RBAK: variants seen among roughly 807,000 people sequenced by gnomAD.
The protein encoded by RBAK is RB-associated KRAB zinc finger protein.
Under a neutral mutation model 65.8 loss-of-function variants are expected in RBAK, and 39 were observed. The observed-to-expected ratio is 0.59, with a 90% CI of 0.46 to 0.77. The LOEUF (loss-of-function observed/expected upper bound fraction) is 0.77. Among genes scored for constraint, RBAK ranks in the 30% least tolerant of loss-of-function variants. RBAK has a pLI of 0.00. For missense variants in RBAK, 884 were observed against 855.1 expected (o/e 1.03, Z -0.42); for synonymous variants, 343 against 289.7 (o/e 1.18, Z -1.87).
At position 5,063,968 on chromosome 7, in the gene RBAK, C is replaced by T; in HGVS notation, c.512C>T (p.Thr171Ile). The change falls in exon 5 of 5, where the codon ACA becomes ATA. Residue 171 changes from threonine (T) to isoleucine (I), a missense_variant. By Grantham distance (89) the Thr-to-Ile change is moderately conservative. Transcript: ENST00000396912. Reference sequence around the variant, plus strand: ...GATGAGTGTAATGAATGTGGGAAAACATATCATGGAGAGAAAATGTGTGAA... The same window carrying T: ...GATGAGTGTAATGAATGTGGGAAAATATATCATGGAGAGAAAATGTGTGAA... ...KPDECNECGK[T>I]YHGEKMCEFN... 6.2e-7 allele frequency: 1 copy of T among 1,613,944 alleles called. No homozygotes were observed. The highest frequency in any genetic ancestry group is 8.5e-7 in the Non-Finnish European group (1 of 1,179,964).
intron 4 of RBAK, among the ~76,000 whole-genome samples, chr7:5,061,447 C>CTTTTTTTTTT (rs199823841): frequency 8.8e-6 from 1 of 113,656 alleles, no homozygotes; most frequent in Non-Finnish European, 1.8e-5. Context: ...TTTTGTTTTT[C>CTTTTTTTTTT]TTTTTCTTTT....
intron 2 of RBAK, among the ~76,000 whole-genome samples, chr7:5,052,835 C>G (rs895619591): frequency 1.3e-5 from 2 of 152,168 alleles, no homozygotes; most frequent in African/African-American, 4.8e-5. Context: ...TCTTGGCTCA[C>G]TGCAACCTCT....
At position 5,048,204 on chromosome 7, in the gene RBAK, G is replaced by C. The variant is rs1284418684; in HGVS notation, c.15+113G>C. ...TTCTTTTTTTTTGAGATGGAGTCTTGCTCTGTTGCCCAGGCTGGAGTGCAG... is the reference window on the plus strand; with the variant it reads ...TTCTTTTTTTTTGAGATGGAGTCTTCCTCTGTTGCCCAGGCTGGAGTGCAG... On this transcript the variant is annotated intron_variant, in intron 2 of 4. Coordinates refer to ENST00000396912, the MANE Select transcript of RBAK (RefSeq NM_021163.4). The surrounding 1 kb of genome is among the most constrained non-coding windows in gnomAD (Gnocchi z 4.4). 4 of 1,463,480 alleles carry C rather than the reference G, an allele frequency of 2.7e-6. No individual in the cohort carries two copies. Among genetic ancestry groups the C allele is most frequent in the Non-Finnish European group, 2.8e-6 (3 of 1,085,738 alleles). The allele number at this position is 1,463,480 out of a possible 1,614,324, so 90.7% of individuals were successfully genotyped here.
rs565727836 is a variant in RBAK, at chr7:5,064,917, T to C, written c.1461T>C (p.Cys487=). The change falls in exon 5 of 5, where the codon TGT becomes TGC. Residue 487 remains cysteine, a synonymous_variant. Coordinates refer to ENST00000396912, the MANE Select transcript of RBAK (RefSeq NM_021163.4). The surrounding 1 kb of genome is among the most constrained non-coding windows in gnomAD (Gnocchi z 6.3). The stretch of plus-strand genomic sequence containing the variant: ...ACACAGAAGAGAAATCCCATGAATG[T>C]AGTGAATGTGGAAAGTTCTCTCAGT... The part of the protein sequence containing the change: ...KVHTEEKSHE[C]SECGKFSQLY... The C allele has an allele frequency of 9.3e-6, 15 of 1,614,040 alleles. No homozygotes were observed. Among genetic ancestry groups the C allele is most frequent in the African/African-American group, 1.3e-5 (1 of 75,026 alleles).
chr7:5,058,146 C>G (rs1000889929), intron 4 of RBAK, among the ~76,000 whole-genome samples: 3 of 152,176 alleles, frequency 2.0e-5, no homozygotes, highest in African/African-American at 7.2e-5. Context: ...ATGATCTCAG[C>G]TCACTGCAAC....
Position 5,065,358 on chromosome 7 carries a change from G to T in RBAK, c.1902G>T (p.Arg634=). The T allele has an allele frequency of 1.2e-6, 2 of 1,613,462 alleles. No homozygotes were observed. Among genetic ancestry groups the T allele is most frequent in the Non-Finnish European group, 1.7e-6 (2 of 1,179,722 alleles). The part of the protein sequence containing the change: ...ECSKCGKVFS[R]MSNLTVHYRS... ...GTAAATGTGGAAAAGTCTTCTCTCG[G>T]ATGTCAAACCTCACTGTCCACTACA... Residue 634 remains arginine, a synonymous_variant, in exon 5 of 5, where the codon CGG becomes CGT. Coordinates refer to ENST00000396912, the MANE Select transcript of RBAK (RefSeq NM_021163.4). This position sits in a 1 kb window ranked among gnomAD's most constrained non-coding sequence, Gnocchi z 5.3.
rs1382782615 is a variant in RBAK at position 5,068,586 on chromosome 7, A to T, written c.*2985A>T. 6.6e-6 allele frequency: 1 copy of T among 152,222 alleles called. No individual in the cohort carries two copies. Among genetic ancestry groups the T allele is most frequent in the Admixed American group, 6.5e-5 (1 of 15,284 alleles). The allele number at this position is 152,222 out of a possible 1,614,324, so 9.4% of individuals were successfully genotyped here. On this transcript the variant is annotated 3_prime_UTR_variant, in exon 5 of 5. Coordinates refer to ENST00000396912, the MANE Select transcript of RBAK (RefSeq NM_021163.4). Reference sequence around the variant, plus strand: ...GAAAAAGCATCACGTTTTGGCAAGGATGTAAGCAAGAGGAACTGTACACTA... The same window carrying T: ...GAAAAAGCATCACGTTTTGGCAAGGTTGTAAGCAAGAGGAACTGTACACTA...
intron 2 of RBAK, among the ~76,000 whole-genome samples, chr7:5,050,851 A>G: frequency 6.6e-6 from 1 of 152,224 alleles, no homozygotes; most frequent in East Asian, 1.9e-4. Context: ...CATTACAGGC[A>G]TGAGTCACCA....
Position 5,066,661 on chromosome 7 carries a change from T to C in RBAK, c.*1060T>C, listed in dbSNP as rs998906734. 7 of 152,208 alleles carry C rather than the reference T, an allele frequency of 4.6e-5. No individual in the cohort carries two copies. The highest frequency in any genetic ancestry group is 1.0e-4 in the Non-Finnish European group (7 of 68,014). The allele number at this position is 152,208 out of a possible 1,614,324, so 9.4% of individuals were successfully genotyped here. A position where few individuals can be genotyped will look rare whatever the true frequency, so the allele number is the denominator to read the frequency against. On this transcript the variant is annotated 3_prime_UTR_variant, in exon 5 of 5. Transcript: ENST00000396912. ...ATTTCAGAACAAATTGATTCAAGTT[T>C]CTAGCAGATATTTTTTGATCAATTA...
At chr7:5,058,637 C>T (rs1778989613) in intron 4 of RBAK, among the ~76,000 whole-genome samples, 1 of 152,140 alleles carries the variant, frequency 6.6e-6, no homozygotes, top group Admixed American at 6.6e-5. Flanking sequence ...CGCTATAGCA[C>T]TCCCTCAGCC....
chr7:5,056,241 A>G (rs1466389129), intron 2 of RBAK, among the ~76,000 whole-genome samples: 1 of 150,682 alleles, frequency 6.6e-6, no homozygotes, highest in African/African-American at 2.4e-5. Flanking sequence ...CCAAGTAGCT[A>G]GAACTACAGG....
At chr7:5,056,612 C>T (rs1403398879) in intron 2 of RBAK, among the ~76,000 whole-genome samples, 2 of 152,132 alleles carry the variant, frequency 1.3e-5, no homozygotes, top group African/African-American at 4.8e-5. Context: ...TCATTCTGCA[C>T]CTTGTCTGCA....
intron 2 of RBAK, among the ~76,000 whole-genome samples, chr7:5,050,992 A>G (rs960444780): frequency 1.3e-5 from 2 of 152,192 alleles, no homozygotes; most frequent in Non-Finnish European, 2.9e-5. Context: ...TTTTGTTACC[A>G]TTATGAGCTC....
intron 2 of RBAK, among the ~76,000 whole-genome samples, chr7:5,050,124 A>T (rs1367922996): frequency 6.6e-6 from 1 of 152,220 alleles, no homozygotes; most frequent in African/African-American, 2.4e-5. Context: ...GGTGTAAGCC[A>T]CCACACCTGG....
At position 5,052,076 on chromosome 7, in the gene RBAK, G is replaced by A. The variant is rs1275361121; in HGVS notation, c.15+3985G>A. The stretch of plus-strand genomic sequence containing the variant: ...TTATATTAGATACATAAATGTTCAA[G>A]GTTATTACATCCTGTTGATTAATTA... On this transcript the variant is annotated intron_variant, in intron 2 of 4. Coordinates refer to ENST00000396912, the MANE Select transcript of RBAK (RefSeq NM_021163.4). Among the ~76,000 whole-genome samples the A allele has an allele frequency of 2.0e-5, 3 of 152,278 alleles. No homozygotes were observed. In the East Asian group the frequency reaches 5.8e-4, roughly 29 times the overall value.
intron 2 of RBAK, among the ~76,000 whole-genome samples, chr7:5,052,982 A>G (rs1788150345): frequency 6.6e-6 from 1 of 151,448 alleles, no homozygotes; most frequent in Non-Finnish European, 1.5e-5. Flanking sequence ...CTGGTCTCAA[A>G]CTCCTGACCT....
At position 5,064,500 on chromosome 7, in the gene RBAK, C is replaced by T. The variant is rs1779165211; in HGVS notation, c.1044C>T (p.Ser348=). 1.9e-5 allele frequency: 30 copies of T among 1,613,754 alleles called. No individual in the cohort carries two copies. The highest frequency in any genetic ancestry group is 2.7e-5 in the African/African-American group (2 of 74,952). Residue 348 remains serine (S), a synonymous_variant, in exon 5 of 5, where the codon AGC becomes AGT. Transcript: ENST00000396912. This position sits in a 1 kb window ranked among gnomAD's most constrained non-coding sequence, Gnocchi z 6.3. The part of the protein sequence containing the change: ...THSGEKPYEC[S]ECGKTFCQKT... The stretch of plus-strand genomic sequence containing the variant: ...CAGGAGAGAAACCCTACGAATGTAG[C>T]GAATGTGGGAAAACCTTCTGCCAAA...
chr7:5,049,298 T>C (rs1391638421), intron 2 of RBAK, among the ~76,000 whole-genome samples: 1 of 152,216 alleles, frequency 6.6e-6, no homozygotes, highest in Non-Finnish European at 1.5e-5. Context: ...AACATTGTGA[T>C]CCCAGTAGAC....
At chr7:5,053,972 C>T (rs1788170190) in intron 2 of RBAK, among the ~76,000 whole-genome samples, 1 of 152,168 alleles carries the variant, frequency 6.6e-6, no homozygotes, top group South Asian at 2.1e-4. Context: ...CATCTCGCAA[C>T]TCTTACACCT....
Sources: allele counts gnomAD v4.1 joint callset (sites outside exome capture counted in the v4.1 genomes callset), GRCh38; gene constraint gnomAD v4.1.1; non-coding constraint Gnocchi (gnomAD v3.1); transcripts MANE v1.5; gene names NCBI Gene and HGNC (gene_info 2026-07-23, HGNC 2026-07-21).